Variants in ADAMTS12 observed in about 807,000 individuals in gnomAD.
ADAMTS12 encodes A disintegrin and metalloproteinase with thrombospondin motifs 12.
In ADAMTS12, 118 loss-of-function variants were observed where a neutral mutation model predicts 167.8. That is an observed-to-expected ratio of 0.70 (90% CI 0.61 to 0.82). The LOEUF (loss-of-function observed/expected upper bound fraction) is 0.82. Among genes scored for constraint, ADAMTS12 ranks in the 40% least tolerant of loss-of-function variants. ADAMTS12 has a pLI of 0.00. For missense variants in ADAMTS12, 1,916 were observed against 1,998.8 expected (o/e 0.96, Z 0.79); for synonymous variants, 704 against 716.9 (o/e 0.98, Z 0.29).
chr5:33,624,334 A>T lies in ADAMTS12; in HGVS notation c.2040T>A (p.Tyr680Ter). 1 of 1,612,068 alleles carries T rather than the reference A, an allele frequency of 6.2e-7. No homozygotes were observed. The highest frequency in any genetic ancestry group is 8.5e-7 in the Non-Finnish European group (1 of 1,178,248). The change falls in exon 14 of 24, where the codon TAT (tyrosine) becomes TAA (stop). Residue 680 changes from tyrosine (Y) to a stop codon, truncating the protein, a stop_gained. Coordinates refer to ENST00000504830, the MANE Select transcript of ADAMTS12 (RefSeq NM_030955.4). LOFTEE classifies it high-confidence loss of function. ...NGICKMVGCDYEIDSNATEDR... is the reference protein window; with the variant it reads ...NGICKMVGCD Reference sequence around the variant, plus strand: ...CCTCGGTGGCATTGGAATCGATCTCATAGTCACAGCCAACCATCTGTGGGG... The same window carrying T: ...CCTCGGTGGCATTGGAATCGATCTCTTAGTCACAGCCAACCATCTGTGGGG...
rs575384062 is a variant in ADAMTS12, at chr5:33,600,650, T to C, written c.2528-4590A>G. On this transcript the variant is annotated intron_variant, in intron 16 of 23. Transcript: ENST00000504830. ...CATGTGAAAGTTTCAAGGCATTGTA[T>C]ACTCAATCTTTAAAATACTGTTAAG... is the stretch of plus-strand genomic sequence containing the variant. 9.8e-5 allele frequency among the ~76,000 whole-genome samples: 15 copies of C among 152,314 alleles called. No individual in the cohort carries two copies. In the East Asian group the frequency reaches 2.9e-3, roughly 29 times the overall value.
At chr5:33,654,874 T>TGTGTGTGTG (rs1740990646) in intron 7 of ADAMTS12, among the ~76,000 whole-genome samples, 2 of 141,668 alleles carry the variant, frequency 1.4e-5, no homozygotes, top group South Asian at 2.4e-4. Context: ...GTGGGTGATT[T>TGTGTGTGTG]TGTGTGTGTG....
chr5:33,532,534 C>T (rs1744169454), intron 23 of ADAMTS12, among the ~76,000 whole-genome samples: 1 of 149,212 alleles, frequency 6.7e-6, no homozygotes, highest in Non-Finnish European at 1.5e-5. Context: ...GCAGCAGCAA[C>T]AACAAAACAA....
intron 2 of ADAMTS12, among the ~76,000 whole-genome samples, chr5:33,790,789 AT>A: frequency 7.6e-6 from 1 of 131,248 alleles, no homozygotes; most frequent in Non-Finnish European, 1.5e-5. Context: ...AAACATATAT[AT>A]ATATATATAT....
chr5:33,781,842 C>T (rs1472505581), intron 2 of ADAMTS12, among the ~76,000 whole-genome samples: 1 of 151,524 alleles, frequency 6.6e-6, no homozygotes, highest in African/African-American at 2.4e-5. Context: ...GCTATCCCTC[C>T]CCCCCGACCC....
At chr5:33,730,289 G>GGTGGGTGTGT (rs1554038434) in intron 3 of ADAMTS12, among the ~76,000 whole-genome samples, 1 of 144,154 alleles carries the variant, frequency 6.9e-6, no homozygotes, top group Admixed American at 6.9e-5. Flanking sequence ...AGTCCATTAG[G>GGTGGGTGTGT]GTGTGTGTGT....
chr5:33,589,980 T>C (rs1747553337), intron 17 of ADAMTS12, among the ~76,000 whole-genome samples: 1 of 152,232 alleles, frequency 6.6e-6, no homozygotes, highest in Non-Finnish European at 1.5e-5. Context: ...ATTTAATAAG[T>C]AATTGAGATT....
chr5:33,754,397 C>T (rs753587235), intron 2 of ADAMTS12, among the ~76,000 whole-genome samples: 2 of 152,210 alleles, frequency 1.3e-5, no homozygotes, highest in African/African-American at 2.4e-5. Context: ...TTCAGAAGAA[C>T]CTGGGCAGGA....
At chr5:33,646,118 A>G (rs1740653756) in intron 9 of ADAMTS12, among the ~76,000 whole-genome samples, 1 of 152,212 alleles carries the variant, frequency 6.6e-6, no homozygotes, top group African/African-American at 2.4e-5. Flanking sequence ...ACAGATAAAC[A>G]TGGATTGCAA....
chr5:33,626,386 G>A (rs1368697913), intron 13 of ADAMTS12, among the ~76,000 whole-genome samples: 5 of 146,240 alleles, frequency 3.4e-5, no homozygotes, highest in African/African-American at 1.3e-4. Flanking sequence ...GGGGGTGATG[G>A]TAGTGGTGAT....
In ADAMTS12 at chr5:33,891,780, T is replaced by G; in HGVS notation, c.77A>C (p.Tyr26Ser). Reference sequence around the variant, plus strand: ...CGGGCCTGGCTGAGGCTGTCTCCCATAGCAAAGCGCCCCAAAGTTAAGGAG... The same window carrying G: ...CGGGCCTGGCTGAGGCTGTCTCCCAGAGCAAAGCGCCCCAAAGTTAAGGAG... ...AQLLNFGALC[Y>S]GRQPQPGPVR... The change falls in exon 1 of 24, where the codon TAT (tyrosine) becomes TCT (serine). Residue 26 changes from tyrosine to serine, a missense_variant. Coordinates refer to ENST00000504830, the MANE Select transcript of ADAMTS12 (RefSeq NM_030955.4). 8 of 1,614,178 alleles carry G rather than the reference T, an allele frequency of 5.0e-6. No individual in the cohort carries two copies. Among genetic ancestry groups the G allele is most frequent in the Non-Finnish European group, 6.8e-6 (8 of 1,180,026 alleles).
rs192816175 is a variant in ADAMTS12 at position 33,850,257 on chromosome 5, G to A, written c.489+30862C>T. Among the ~76,000 whole-genome samples, 8 of 152,272 alleles carry A rather than the reference G, an allele frequency of 5.3e-5. No homozygotes were observed. The East Asian group carries it at 1.2e-3, about 22-fold the overall frequency. On this transcript the variant is annotated intron_variant, in intron 2 of 23. Coordinates refer to ENST00000504830, the MANE Select transcript of ADAMTS12 (RefSeq NM_030955.4). The stretch of plus-strand genomic sequence containing the variant: ...CCCAGGATGTGGCATGGTCTCACAT[G>A]CCTCTGGGTTTCAGACACAATGACT...
intron 9 of ADAMTS12, among the ~76,000 whole-genome samples, chr5:33,647,830 C>A (rs1740732644): frequency 6.6e-6 from 1 of 152,184 alleles, no homozygotes; most frequent in African/African-American, 2.4e-5. Context: ...ATCAACTTTA[C>A]CTTCTCTGTT....
intron 16 of ADAMTS12, among the ~76,000 whole-genome samples, chr5:33,611,680 C>T (rs985459665): frequency 2.6e-5 from 4 of 152,060 alleles, no homozygotes; most frequent in Non-Finnish European, 5.9e-5. Context: ...TCCCTAAATG[C>T]TCATCAGAAG....
chr5:33,526,887 C>T lies in ADAMTS12; in HGVS notation c.*301G>A, dbSNP rs1021291687. Reference sequence around the variant, plus strand: ...CTTTGTTTTTATCTTTAAGGGAGAACAAAAATACAGTATTTCACAAATCTG... The same window carrying T: ...CTTTGTTTTTATCTTTAAGGGAGAATAAAAATACAGTATTTCACAAATCTG... On this transcript the variant is annotated 3_prime_UTR_variant, in exon 24 of 24. Coordinates refer to ENST00000504830, the MANE Select transcript of ADAMTS12 (RefSeq NM_030955.4). 1.7e-5 allele frequency: 5 copies of T among 297,020 alleles called. No individual in the cohort carries two copies. The highest frequency in any genetic ancestry group is 4.6e-5 in the Admixed American group (1 of 21,558). The allele number at this position is 297,020 out of a possible 1,614,324, so 18.4% of individuals were successfully genotyped here. A position where few individuals can be genotyped will look rare whatever the true frequency, so the allele number is the denominator to read the frequency against.
At chr5:33,674,651 GC>G (rs1445198330) in intron 5 of ADAMTS12, among the ~76,000 whole-genome samples, 1 of 152,166 alleles carries the variant, frequency 6.6e-6, no homozygotes, top group Non-Finnish European at 1.5e-5. Flanking sequence ...CACTTGGGCT[GC>G]CTGCAACACC....
intron 23 of ADAMTS12, among the ~76,000 whole-genome samples, chr5:33,533,697 G>GT (rs1452092679): frequency 6.6e-6 from 1 of 152,184 alleles, no homozygotes; most frequent in Non-Finnish European, 1.5e-5. Flanking sequence ...TCCTCGCTCA[G>GT]TGCATTTTTA....
chr5:33,888,194 T>C (rs1750707179), intron 1 of ADAMTS12: 1 of 152,248 alleles, frequency 6.6e-6, no homozygotes. Context: ...TTTATTTCTA[T>C]CTTAGAGACA....
intron 13 of ADAMTS12, among the ~76,000 whole-genome samples, chr5:33,629,127 G>A (rs895744647): frequency 1.3e-5 from 2 of 152,190 alleles, no homozygotes; most frequent in African/African-American, 4.8e-5. Context: ...ATTATATGCA[G>A]CTAGGGCTGA....
Sources: allele counts gnomAD v4.1 joint callset (sites outside exome capture counted in the v4.1 genomes callset), GRCh38; gene constraint gnomAD v4.1.1; transcripts MANE v1.5; gene names NCBI Gene and HGNC (gene_info 2026-07-23, HGNC 2026-07-21).